ZNF529: variants seen among roughly 807,000 people sequenced by gnomAD.
ZNF529 encodes the protein zinc finger protein 529.
A neutral mutation model predicts 10.1 loss-of-function variants in ZNF529; 11 were observed. That is an observed-to-expected ratio of 1.09 (90% CI 0.69 to 1.81). The LOEUF is 1.81. Among genes scored for constraint, ZNF529 ranks in the 40% most tolerant of loss-of-function variants. ZNF529 has a pLI of 0.00. For synonymous variants in ZNF529, 204 were observed against 215.7 expected (o/e 0.95, Z 0.47); for missense variants, 624 against 666.8 (o/e 0.94, Z 0.71).
Position 36,548,019 on chromosome 19 carries a change from A to C in ZNF529, c.539T>G (p.Phe180Cys). ...TTCATCAAACTCTAAGTCACAACTG[A>C]AGACCTTCTCATATTCCTTGTATTC... ...PYEYKEYEKV[F>C]SCDLEFDEYQ... The change falls in exon 5 of 5, where the codon TTC (phenylalanine) becomes TGC (cysteine). Residue 180 changes from phenylalanine to cysteine, a missense_variant. Physicochemically the swap from Phe to Cys is radical, Grantham distance 205. Coordinates refer to ENST00000591340, the MANE Select transcript of ZNF529 (RefSeq NM_020951.5). 1 of 1,613,876 alleles carries C rather than the reference A, an allele frequency of 6.2e-7. No individual in the cohort carries two copies. Among genetic ancestry groups the C allele is most frequent in the African/African-American group, 1.3e-5 (1 of 75,054 alleles).
At position 36,547,956 on chromosome 19, in the gene ZNF529, C is replaced by G; in HGVS notation, c.602G>C (p.Cys201Ser). The G allele has an allele frequency of 6.2e-7, 1 of 1,612,588 alleles. No individual in the cohort carries two copies. Among genetic ancestry groups the G allele is most frequent in the Non-Finnish European group, 8.5e-7 (1 of 1,179,510 alleles). The change falls in exon 5 of 5, where the codon TGT becomes TCT. Residue 201 changes from cysteine to serine, a missense_variant. Physicochemically the swap from Cys to Ser is moderately radical, Grantham distance 112. Coordinates refer to ENST00000591340, the MANE Select transcript of ZNF529 (RefSeq NM_020951.5). ...KIHTGGKNYE[C>S]NQCWKTFGID... is the part of the protein sequence containing the mutation. ...CCCAAAGGTTTTCCAACATTGATTA[C>G]ATTCATAGTTTTTTCCACCAGTATG...
At chr19:36,552,243 A>G (rs1248728234) in intron 4 of ZNF529, among the ~76,000 whole-genome samples, 1 of 152,152 alleles carries the variant, frequency 6.6e-6, no homozygotes, top group Non-Finnish European at 1.5e-5. Context: ...ATCCTGGCTA[A>G]CACGGTGATA....
chr19:36,551,744 T>G (rs2035266454), intron 4 of ZNF529: 1 of 152,190 alleles, frequency 6.6e-6, no homozygotes, highest in African/African-American at 2.4e-5. Context: ...GAACTGTGTA[T>G]CTATAAAATG....
At chr19:36,581,089 T>A (rs2036452575) in intron 2 of ZNF529, 1 of 152,190 alleles carries the variant, frequency 6.6e-6, no homozygotes, top group South Asian at 2.1e-4. Flanking sequence ...CTAATTGTTG[T>A]TTACAGAACA....
Position 36,547,436 on chromosome 19 carries a change from A to G in ZNF529, c.1122T>C (p.Ala374=), listed in dbSNP as rs560794104. ...KPYACKECGK[A]FGVCRELARH... Reference sequence around the variant, plus strand: ...GAGCAAGTTCTCTACATACTCCAAAAGCCTTCCCACATTCCTTACATGCAT... The same window carrying G: ...GAGCAAGTTCTCTACATACTCCAAAGGCCTTCCCACATTCCTTACATGCAT... The change falls in exon 5 of 5, where the codon GCT becomes GCC. Residue 374 remains alanine (A), a synonymous_variant. Transcript: ENST00000591340. The G allele has an allele frequency of 2.2e-4, 359 of 1,609,870 alleles. 2 individuals carry two copies. In the South Asian group the frequency reaches 3.8e-3, roughly 17 times the overall value.
chr19:36,603,669 T>G (rs1227724521), intron 1 of ZNF529, among the ~76,000 whole-genome samples: 1 of 152,092 alleles, frequency 6.6e-6, no homozygotes, highest in Non-Finnish European at 1.5e-5. Context: ...AAGAACACAT[T>G]CTTCACCACC....
chr19:36,584,023 A>T (rs561422771), intron 2 of ZNF529, among the ~76,000 whole-genome samples: 1 of 152,268 alleles, frequency 6.6e-6, no homozygotes, highest in South Asian at 2.1e-4. Flanking sequence ...AGGAATCAAA[A>T]TGAGTGTCAA....
intron 1 of ZNF529, among the ~76,000 whole-genome samples, chr19:36,596,720 A>C (rs1053935739): frequency 2.0e-5 from 3 of 151,722 alleles, no homozygotes; most frequent in Non-Finnish European, 4.4e-5. Context: ...GGTTTTCACC[A>C]TGTTGGCCAT....
intron 2 of ZNF529, chr19:36,580,726 G>A (rs1188735657): frequency 6.6e-6 from 1 of 152,176 alleles, no homozygotes; most frequent in African/African-American, 2.4e-5. Flanking sequence ...AGCACTTGTA[G>A]GCAAGAAATT....
chr19:36,568,104 C>A (rs1421243551), intron 2 of ZNF529, among the ~76,000 whole-genome samples: 2 of 152,116 alleles, frequency 1.3e-5, no homozygotes, highest in Non-Finnish European at 2.9e-5. Flanking sequence ...AATAACAGAA[C>A]CATGAGAATA....
chr19:36,601,531 C>T (rs1344869117), intron 1 of ZNF529, among the ~76,000 whole-genome samples: 1 of 152,042 alleles, frequency 6.6e-6, no homozygotes, highest in Non-Finnish European at 1.5e-5. Flanking sequence ...CACAATTAAC[C>T]TCATATTTTC....
At chr19:36,554,078 GA>G (rs1458143866) in intron 4 of ZNF529, among the ~76,000 whole-genome samples, 1 of 152,124 alleles carries the variant, frequency 6.6e-6, no homozygotes, top group African/African-American at 2.4e-5. Flanking sequence ...TTGGATAAGG[GA>G]TACTCAACCT....
intron 1 of ZNF529, among the ~76,000 whole-genome samples, chr19:36,602,133 C>T (rs772264737): frequency 2.6e-5 from 4 of 151,574 alleles, no homozygotes; most frequent in East Asian, 3.9e-4. Flanking sequence ...CTGCAACCTC[C>T]GCCTCCCAGG....
At chr19:36,592,113 A>G (rs1421642819) in intron 1 of ZNF529, among the ~76,000 whole-genome samples, 1 of 151,044 alleles carries the variant, frequency 6.6e-6, no homozygotes, top group Non-Finnish European at 1.5e-5. Context: ...TGTCTCTACT[A>G]AAAATACAGA....
Position 36,556,172 on chromosome 19 carries a change from C to A in ZNF529, c.40G>T (p.Ala14Ser). The A allele has an allele frequency of 7.6e-7, 1 of 1,323,292 alleles. No homozygotes were observed. Among genetic ancestry groups the A allele is most frequent in the Non-Finnish European group, 1.1e-6 (1 of 938,602 alleles). 82.0% of individuals were successfully genotyped at this position (1,323,292 alleles called of 1,614,324 possible). Residue 14 changes from alanine (A) to serine (S), a missense_variant, in exon 3 of 5, where the codon GCT (alanine) becomes TCT (serine). By Grantham distance (99) the Ala-to-Ser change is moderately conservative. Transcript: ENST00000591340. ...SSFIGDHVHGAPHAVMPEVEF... is the reference protein window; with the variant it reads ...SSFIGDHVHGSPHAVMPEVEF... ...ACTTCTGGCATGACAGCATGAGGAG[C>A]TCCATGGACATGATCCCCAATGAAA...
chr19:36,575,544 AG>A (rs1413799455), upstream of ZNF529, among the ~76,000 whole-genome samples: 1 of 151,914 alleles, frequency 6.6e-6, no homozygotes, highest in Non-Finnish European at 1.5e-5. Context: ...GCCAAGTAAA[AG>A]TACTTGAAAT....
chr19:36,586,544 G>A (rs2145258178), intron 2 of ZNF529, among the ~76,000 whole-genome samples: 1 of 152,102 alleles, frequency 6.6e-6, no homozygotes, highest in East Asian at 1.9e-4. Context: ...GATGGAGGCT[G>A]CAGTAAGCTG....
chr19:36,550,971 T>A (rs2145793981), intron 4 of ZNF529, among the ~76,000 whole-genome samples: 1 of 152,198 alleles, frequency 6.6e-6, no homozygotes, highest in Non-Finnish European at 1.5e-5. Flanking sequence ...AACAGAAAAA[T>A]CATAACCATG....
intron 2 of ZNF529, among the ~76,000 whole-genome samples, chr19:36,578,328 C>T (rs1320069339): frequency 1.0e-4 from 6 of 58,350 alleles, no homozygotes; most frequent in Non-Finnish European, 1.4e-4. Flanking sequence ...TTTTTTGAGA[C>T]GGAGTCTCAC....
Sources: allele counts gnomAD v4.1 joint callset (sites outside exome capture counted in the v4.1 genomes callset), GRCh38; gene constraint gnomAD v4.1.1; transcripts MANE v1.5; gene names NCBI Gene and HGNC (gene_info 2026-07-23, HGNC 2026-07-21).